The following DGKI variants were observed in gnomAD, a reference collection of about 807,000 sequenced individuals.
The protein encoded by DGKI is diacylglycerol kinase iota, also known as DAG kinase iota.
In DGKI, 55 loss-of-function variants were observed where a neutral mutation model predicts 147.5. The observed-to-expected ratio is 0.37, with a 90% confidence interval of 0.30 to 0.47. The LOEUF is 0.47. Among genes scored for constraint, DGKI ranks in the 20% least tolerant of loss-of-function variants. DGKI has a pLI of 1.00. For synonymous variants in DGKI, 469 were observed against 477.1 expected (o/e 0.98, Z 0.22); for missense variants, 1,007 against 1,323.8 (o/e 0.76, Z 3.71).
intron 3 of DGKI, among the ~76,000 whole-genome samples, chr7:137,666,360 A>G (rs1447318525): frequency 2.0e-5 from 3 of 152,206 alleles, no homozygotes; most frequent in South Asian, 2.1e-4. Flanking sequence ...CCAGGATCAC[A>G]TCGCCACATT....
chr7:137,383,171 T>A lies in DGKI; in HGVS notation c.*8049A>T, dbSNP rs906967153. On this transcript the variant is annotated 3_prime_UTR_variant, in exon 33 of 33. Transcript: ENST00000614521. ...ACTCCTGAATCTGTGACCTTTTTGC[T>A]TTAGTAGAAACATATCTTTTTTAGG... 2.6e-5 allele frequency: 4 copies of A among 151,840 alleles called. No homozygotes were observed. The highest frequency in any genetic ancestry group is 9.7e-5 in the African/African-American group (4 of 41,382). The allele number at this position is 151,840 out of a possible 1,614,324, so 9.4% of individuals were successfully genotyped here. A position where few individuals can be genotyped will look rare whatever the true frequency, so the allele number is the denominator to read the frequency against.
intron 1 of DGKI, among the ~76,000 whole-genome samples, chr7:137,799,208 A>T (rs1483969633): frequency 6.6e-6 from 1 of 152,196 alleles, no homozygotes; most frequent in East Asian, 1.9e-4. Context: ...ACATCCGATA[A>T]CATAGATGAA....
rs560708976 is a variant in DGKI, at chr7:137,391,355, A to G, written c.3058-19T>C. Reference sequence around the variant, plus strand: ...TCTTACCCTATACGAAAATAGTGAGAAAAAAAAAAAGAGAGAGAGAGATAG... The same window carrying G: ...TCTTACCCTATACGAAAATAGTGAGGAAAAAAAAAAGAGAGAGAGAGATAG... On this transcript the variant is annotated intron_variant, in intron 32 of 32. Coordinates refer to ENST00000614521, the MANE Select transcript of DGKI (RefSeq NM_001321708.2). 25 of 922,768 alleles carry G rather than the reference A, an allele frequency of 2.7e-5. No homozygotes were observed. Among genetic ancestry groups the G allele is most frequent in the African/African-American group, 1.4e-4 (8 of 56,968 alleles). The allele number at this position is 922,768 out of a possible 1,614,324, so 57.2% of individuals were successfully genotyped here.
intron 1 of DGKI, among the ~76,000 whole-genome samples, chr7:137,743,854 G>A (rs1266968499): frequency 6.6e-6 from 1 of 151,900 alleles, no homozygotes; most frequent in African/African-American, 2.4e-5. Flanking sequence ...GTGGTGGCAG[G>A]CGCCTGTAGT....
chr7:137,828,318 T>A (rs1465954514), intron 1 of DGKI, among the ~76,000 whole-genome samples: 1 of 152,268 alleles, frequency 6.6e-6, no homozygotes, highest in Non-Finnish European at 1.5e-5. Context: ...GTTTTGCACA[T>A]ATAACAAATT....
At chr7:137,627,629 G>A (rs1294784575) in intron 6 of DGKI, among the ~76,000 whole-genome samples, 2 of 152,154 alleles carry the variant, frequency 1.3e-5, no homozygotes, top group Non-Finnish European at 2.9e-5. Context: ...ATTAAAATGC[G>A]GCATGGATAA....
At chr7:137,720,250 CTT>C (rs552382033) in intron 1 of DGKI, among the ~76,000 whole-genome samples, 5 of 88,228 alleles carry the variant, frequency 5.7e-5, no homozygotes, top group African/African-American at 2.4e-4. Context: ...TTGAAAAAAT[CTT>C]TTTTTTTTTT....
At chr7:137,587,545 C>T (rs538465782) in intron 12 of DGKI, among the ~76,000 whole-genome samples, 1 of 152,252 alleles carries the variant, frequency 6.6e-6, no homozygotes, top group East Asian at 1.9e-4. Flanking sequence ...ATATAAAACT[C>T]AGAATAAGAC....
chr7:137,811,817 C>T (rs1797594612), intron 1 of DGKI, among the ~76,000 whole-genome samples: 1 of 151,974 alleles, frequency 6.6e-6, no homozygotes, highest in Non-Finnish European at 1.5e-5. Flanking sequence ...TTTAGAATTT[C>T]TAATTGCCCC....
intron 3 of DGKI, among the ~76,000 whole-genome samples, chr7:137,657,070 C>A (rs941179974): frequency 6.6e-6 from 1 of 152,200 alleles, no homozygotes; most frequent in East Asian, 1.9e-4. Context: ...TAAGTTACTT[C>A]GGTTTCTGCC....
At chr7:137,826,217 A>G (rs28408194) in intron 1 of DGKI, among the ~76,000 whole-genome samples, 12,921 of 152,112 alleles carry the variant, frequency 0.085, 855 homozygotes, top group African/African-American at 0.19. Flanking sequence ...ATGTTTCTCT[A>G]TTTTCCATTA....
chr7:137,549,971 T>G (rs1817990170), intron 20 of DGKI, among the ~76,000 whole-genome samples: 1 of 152,232 alleles, frequency 6.6e-6, no homozygotes, highest in Admixed American at 6.5e-5. Flanking sequence ...TGTTGAATGA[T>G]AATTTTTCAC....
chr7:137,814,027 C>A (rs186549988), intron 1 of DGKI, among the ~76,000 whole-genome samples: 2 of 152,104 alleles, frequency 1.3e-5, no homozygotes, highest in Non-Finnish European at 2.9e-5. Flanking sequence ...TATTGTGAAA[C>A]CCCAAAGGAC....
chr7:137,598,312 C>CTTTATATTTATTTTT (rs1375384075), intron 11 of DGKI, among the ~76,000 whole-genome samples: 1 of 152,100 alleles, frequency 6.6e-6, no homozygotes, highest in African/African-American at 2.4e-5. Flanking sequence ...TATATATCCC[C>CTTTATATTTATTTTT]TCTTTATATT....
chr7:137,740,985 A>G (rs1326963614), intron 1 of DGKI, among the ~76,000 whole-genome samples: 1 of 152,154 alleles, frequency 6.6e-6, no homozygotes, highest in Non-Finnish European at 1.5e-5. Flanking sequence ...GAATTTCCTC[A>G]CTGATAAAAA....
intron 22 of DGKI, among the ~76,000 whole-genome samples, chr7:137,486,201 C>CT (rs1477621966): frequency 1.3e-5 from 2 of 152,036 alleles, no homozygotes; most frequent in African/African-American, 4.8e-5. Context: ...TGAGTTGCCT[C>CT]TTTTTTAAAA....
At position 137,636,947 on chromosome 7, in the gene DGKI, T is replaced by A. The variant is rs528057417; in HGVS notation, c.804+8525A>T. 3.3e-5 allele frequency among the ~76,000 whole-genome samples: 5 copies of A among 152,332 alleles called. 1 individual carries two copies. The South Asian group carries it at 1.0e-3, about 32-fold the overall frequency. The stretch of plus-strand genomic sequence containing the variant: ...AAGCCCTCACCAGATGCTGGTGCCA[T>A]GCTTCTTGTACAGCCTGCAGAACTG... On this transcript the variant is annotated intron_variant, in intron 6 of 32. Transcript: ENST00000614521.
At chr7:137,751,046 T>C (rs1795476400) in intron 1 of DGKI, among the ~76,000 whole-genome samples, 3 of 152,246 alleles carry the variant, frequency 2.0e-5, no homozygotes, top group Admixed American at 2.0e-4. Context: ...AGGCTAATTT[T>C]GGTTTCAATC....
At chr7:137,775,520 G>T (rs1283562944) in intron 1 of DGKI, among the ~76,000 whole-genome samples, 1 of 152,112 alleles carries the variant, frequency 6.6e-6, no homozygotes, top group Non-Finnish European at 1.5e-5. Context: ...TTTGCATCTG[G>T]GTTTATATTT....
Sources: allele counts gnomAD v4.1 joint callset (sites outside exome capture counted in the v4.1 genomes callset), GRCh38; gene constraint gnomAD v4.1.1; transcripts MANE v1.5; gene names NCBI Gene and HGNC (gene_info 2026-07-23, HGNC 2026-07-21).